The following CLCN1 variants were observed in gnomAD, a reference collection of about 807,000 sequenced individuals.
CLCN1 encodes the protein chloride voltage-gated channel 1.
CLCN1 carries 100 observed loss-of-function variants against 114.5 expected under a neutral mutation model. That is an observed-to-expected ratio of 0.87 (90% confidence interval 0.74 to 1.03). CLCN1 has a LOEUF of 1.03. Ranked by LOEUF, CLCN1 falls within the 50% of genes least tolerant of loss-of-function variation. The probability of loss-of-function intolerance (pLI) is 0.00; values close to 1 mark genes in which losing one functional copy is unlikely to be tolerated. For synonymous variants in CLCN1, 485 were observed against 487.1 expected, an observed-to-expected ratio of 1.00 and a Z score of 0.06; for missense variants, 1,188 against 1,250.0, an observed-to-expected ratio of 0.95 and a Z score of 0.75.
chr7:143,320,542 G>A (rs909527588), intron 2 of CLCN1, 122 bp from the exon 3 acceptor site: 23 of 940,334 alleles, frequency 2.4e-5, no homozygotes, highest in Admixed American at 4.3e-5. Context: ...GTAGTGACTC[G>A]TTAGCTGCTT....
chr7:143,324,285 G>A lies in CLCN1; in HGVS notation c.775-129G>A. ...TTGGCCTGGGAATCACAGGGGACAT[G>A]GGACCACAAGGACTCCTTTTGACTT... On this transcript the variant is annotated intron_variant, in intron 6 of 22. Coordinates refer to ENST00000343257, the MANE Select transcript of CLCN1 (RefSeq NM_000083.3). The surrounding 1 kb of genome is among the most constrained non-coding windows in gnomAD (Gnocchi z 4.6). The A allele has an allele frequency of 1.3e-6, 1 of 748,928 alleles. No individual in the cohort carries two copies. The highest frequency in any genetic ancestry group is 2.5e-5 in the East Asian group (1 of 39,630). 46.4% of individuals were successfully genotyped at this position (748,928 alleles called of 1,614,324 possible). A position where few individuals can be genotyped will look rare whatever the true frequency, so the allele number is the denominator to read the frequency against.
chr7:143,316,529 T>C (rs779982826), intron 1 of CLCN1, 137 bp downstream of exon 1: 12 of 784,892 alleles, frequency 1.5e-5, no homozygotes, highest in Non-Finnish European at 2.0e-5. Flanking sequence ...TACGTGGTGA[T>C]GTGTTCAAAA....
intron 18 of CLCN1, 53 bp from the exon 19 acceptor site, chr7:143,346,526 G>A (rs1428417766): frequency 2.1e-6 from 3 of 1,417,834 alleles, no homozygotes; most frequent in Non-Finnish European, 3.0e-6. Context: ...TGGGGCCCCT[G>A]GCCGTTTCCT....
At chr7:143,322,660 C>G (rs1802473019) in intron 5 of CLCN1, among the ~76,000 whole-genome samples, 1 of 152,214 alleles carries the variant, frequency 6.6e-6, no homozygotes, top group Admixed American at 6.5e-5. Context: ...GTAGCTGGGA[C>G]TGCAGGCACA....
At chr7:143,335,547 C>T (rs940865) in intron 12 of CLCN1, among the ~76,000 whole-genome samples, 67,101 of 151,846 alleles carry the variant, frequency 0.44, 15,360 homozygotes, top group African/African-American at 0.56. Context: ...CATAGCTAAA[C>T]TAAAATATAA....
chr7:143,336,639 A>G (rs1262796047), intron 12 of CLCN1, among the ~76,000 whole-genome samples: 59 of 113,388 alleles, frequency 5.2e-4, no homozygotes, highest in Admixed American at 5.2e-4. Flanking sequence ...GAAGAAGAAA[A>G]AAAAAGGAAG....
In CLCN1 at chr7:143,345,602, T is replaced by G. The variant is rs772516304; in HGVS notation, c.2012T>G (p.Leu671Arg). 1.0e-5 allele frequency: 16 copies of G among 1,553,954 alleles called. No individual in the cohort carries two copies. The African/African-American group carries it at 2.2e-4, about 21-fold the overall frequency. ...CGCCACCTGTGTCCTGAGCGCAGGC[T>G]GCGCGCAGCCCAAGAGATGGCGCGG... ...LQRHLCPERR[L>R]RAAQEMARKL... is the part of the protein sequence containing the mutation. Residue 671 changes from leucine to arginine, a missense_variant, in exon 17 of 23, where the codon CTG (leucine) becomes CGG (arginine). Transcript: ENST00000343257.
chr7:143,332,664 A>G (rs1802758640), intron 11 of CLCN1, 60 bp from the exon 12 acceptor site: 2 of 1,600,978 alleles, frequency 1.2e-6, no homozygotes, highest in Non-Finnish European at 1.7e-6. Context: ...TAAGTTCTCT[A>G]AAAAAGGAAG....
At chr7:143,332,952 A>G (rs1802770955) in intron 12 of CLCN1, 79 bp downstream of exon 12, 1 of 1,471,552 alleles carries the variant, frequency 6.8e-7, no homozygotes, top group Admixed American at 1.7e-5. Flanking sequence ...ATAGGGTAGG[A>G]AGGGGTAGAA....
rs148761346 is a variant in CLCN1, at chr7:143,340,350, G to A, written c.1582+729G>A. 4.0e-3 allele frequency among the ~76,000 whole-genome samples: 608 copies of A among 152,198 alleles called. 1 individual carries two copies. The highest frequency in any genetic ancestry group is 0.017 in the Middle Eastern group (5 of 294). The stretch of plus-strand genomic sequence containing the variant: ...TGTTCTCCATCTTCATGACTCCCTG[G>A]TACACATGCCTCCCTTGTGAACATT... On this transcript the variant is annotated intron_variant, in intron 14 of 22. Coordinates refer to ENST00000343257, the MANE Select transcript of CLCN1 (RefSeq NM_000083.3).
chr7:143,334,239 CT>C (rs923122426), intron 12 of CLCN1, among the ~76,000 whole-genome samples: 15 of 152,022 alleles, frequency 9.9e-5, no homozygotes, highest in African/African-American at 3.4e-4. Context: ...ATTGATTGCC[CT>C]TTTTTTTCTT....
In CLCN1 at chr7:143,332,825, C is replaced by T. The variant is rs371101698; in HGVS notation, c.1353C>T (p.His451=). The T allele has an allele frequency of 2.5e-6, 4 of 1,613,918 alleles. No homozygotes were observed. Among genetic ancestry groups the T allele is most frequent in the Non-Finnish European group, 3.4e-6 (4 of 1,179,930 alleles). ...TGGGCCAGTCAGCTGTGTGGATTCA[C>T]CCCCGGGTCAACGTTGTCATCATCA... The part of the protein sequence containing the change: ...ESLGQSAVWI[H]PRVNVVIIIF... Residue 451 remains histidine (H), a synonymous_variant, in exon 12 of 23, where the codon CAC becomes CAT. Transcript: ENST00000343257.
At chr7:143,333,042 T>TA (rs1208293624) in intron 12 of CLCN1, among the ~76,000 whole-genome samples, 169 bp downstream of exon 12, 3 of 152,222 alleles carry the variant, frequency 2.0e-5, no homozygotes, top group African/African-American at 7.2e-5. Flanking sequence ...CTCACACCTG[T>TA]AATCCCACCA....
intron 12 of CLCN1, among the ~76,000 whole-genome samples, chr7:143,338,920 T>C (rs1425493304): frequency 4.0e-5 from 6 of 151,874 alleles, no homozygotes; most frequent in African/African-American, 1.5e-4. Flanking sequence ...ATGGGTACAA[T>C]GGGCTGGGGC....
chr7:143,349,781 G>A (rs1172785819), intron 20 of CLCN1, among the ~76,000 whole-genome samples: 1 of 152,192 alleles, frequency 6.6e-6, no homozygotes, highest in Non-Finnish European at 1.5e-5. Context: ...TAACACTCAA[G>A]ACAAATGCAG....
intron 12 of CLCN1, among the ~76,000 whole-genome samples, chr7:143,337,781 C>A (rs76030995): frequency 7.2e-5 from 10 of 138,244 alleles, no homozygotes; most frequent in African/African-American, 2.6e-4. Flanking sequence ...CCACAACTAG[C>A]CTTTTTTCCA....
At position 143,329,257 on chromosome 7, in the gene CLCN1, C is replaced by T. The variant is rs6949144; in HGVS notation, c.854-1515C>T. Among the ~76,000 whole-genome samples the T allele has an allele frequency of 9.7e-3, 1,478 of 152,284 alleles. 31 individuals are homozygous for T. Among genetic ancestry groups the T allele is most frequent in the African/African-American group, 0.034 (1,402 of 41,558 alleles). ...CTGGGATTACAAGCGTGAGCCACCA[C>T]GCCTGGCCTCCCAGGAATTTTCAAT... On this transcript the variant is annotated intron_variant, in intron 7 of 22. Coordinates refer to ENST00000343257, the MANE Select transcript of CLCN1 (RefSeq NM_000083.3).
Position 143,339,501 on chromosome 7 carries a change from T to G in CLCN1, c.1472-10T>G. On this transcript the variant is annotated splice_polypyrimidine_tract_variant and intron_variant, in intron 13 of 22. Coordinates refer to ENST00000343257, the MANE Select transcript of CLCN1 (RefSeq NM_000083.3). This position sits in a 1 kb window ranked among gnomAD's most constrained non-coding sequence, Gnocchi z 4.1. The stretch of plus-strand genomic sequence containing the variant: ...TCGTAACACCTTCCTTCCTTTTATC[T>G]TCCCTCTAGGAGCTGCATTTGGAAG... 6.2e-7 allele frequency: 1 copy of G among 1,600,552 alleles called. No homozygotes were observed. Among genetic ancestry groups the G allele is most frequent in the Non-Finnish European group, 8.6e-7 (1 of 1,167,682 alleles).
rs1173535292 is a variant in CLCN1 at position 143,324,807 on chromosome 7, C to T, written c.853+315C>T. 6.6e-6 allele frequency among the ~76,000 whole-genome samples: 1 copy of T among 152,160 alleles called. No individual in the cohort carries two copies. Among genetic ancestry groups the T allele is most frequent in the Non-Finnish European group, 1.5e-5 (1 of 68,034 alleles). ...AACCAAGGCAGTCTCCGTGGCTCCC[C>T]TACTTATTTTCAAACCTGTTTGTAT... On this transcript the variant is annotated intron_variant, in intron 7 of 22. Transcript: ENST00000343257. This position sits in a 1 kb window ranked among gnomAD's most constrained non-coding sequence, Gnocchi z 4.6.
Sources: gnomAD v4.1 joint callset for allele counts (sites outside exome capture counted in the v4.1 genomes callset) on GRCh38, gnomAD v4.1.1 for gene constraint, Gnocchi (gnomAD v3.1) non-coding constraint, MANE v1.5 for transcripts, NCBI Gene and HGNC (gene_info 2026-07-23, HGNC 2026-07-21) for gene names.